OTUD5: variants seen among roughly 807,000 people sequenced by gnomAD.
OTUD5 encodes OTU deubiquitinase 5.
In OTUD5, 2 loss-of-function variants were observed where a neutral mutation model predicts 36.3. The observed-to-expected ratio is 0.06, with a 90% CI of 0.02 to 0.17. The LOEUF (loss-of-function observed/expected upper bound fraction) is 0.17, where lower values mean the gene tolerates loss of function less well. Ranked by LOEUF, OTUD5 falls within the 10% of genes least tolerant of loss-of-function variation. The pLI, the probability that OTUD5 is intolerant of heterozygous loss-of-function variation, is 1.00. For missense variants in OTUD5, 233 were observed against 512.3 expected, an observed-to-expected ratio of 0.45 and a Z score of 5.26; for synonymous variants, 234 against 214.9, an observed-to-expected ratio of 1.09 and a Z score of -0.78.
chrX:48,936,841 T>C (rs1266620956), intron 2 of OTUD5, among the ~76,000 whole-genome samples: 2 of 111,755 alleles, frequency 1.8e-5, no homozygotes, highest in Non-Finnish European at 3.8e-5. Flanking sequence ...TTCCCTTTGT[T>C]TCCCCAGAGG....
At chrX:48,932,887 T>C (rs1480496737) in intron 5 of OTUD5, among the ~76,000 whole-genome samples, 2 of 110,047 alleles carry the variant, frequency 1.8e-5, no homozygotes, top group African/African-American at 6.6e-5. Flanking sequence ...GAGGCTGAGG[T>C]GAGAGGCTTG....
At chrX:48,951,418 T>G (rs1348617134) in intron 1 of OTUD5, among the ~76,000 whole-genome samples, 5 of 110,869 alleles carry the variant, frequency 4.5e-5, no homozygotes, top group African/African-American at 1.6e-4. Flanking sequence ...ATCGAGATCA[T>G]CCTGGCTAAC....
chrX:48,925,278 CAAAA>C (rs781953573), intron 6 of OTUD5, among the ~76,000 whole-genome samples: 1 of 39,254 alleles, frequency 2.5e-5, no homozygotes. Context: ...ACTCTGTCTC[CAAAA>C]AAAAAAAAAA....
intron 1 of OTUD5, 108 bp from the exon 2 acceptor site, chrX:48,944,391 G>A (rs1557051900): frequency 2.0e-6 from 1 of 508,862 alleles, no homozygotes; most frequent in East Asian, 3.6e-5. Context: ...GAGGACGCTG[G>A]CCAAGGTAAA....
intron 1 of OTUD5, among the ~76,000 whole-genome samples, chrX:48,955,605 G>A (rs1480457828): frequency 9.0e-6 from 1 of 110,825 alleles, no homozygotes; most frequent in African/African-American, 3.3e-5. Context: ...GATCTGTAGG[G>A]AGGCCCCAGA....
At chrX:48,924,426 A>G (rs926230482) in intron 6 of OTUD5, among the ~76,000 whole-genome samples, 8 of 111,571 alleles carry the variant, frequency 7.2e-5, no homozygotes, top group African/African-American at 2.6e-4. Flanking sequence ...ACTCCACTGG[A>G]TGACTAGCAG....
chrX:48,935,032 AG>A lies in OTUD5; in HGVS notation c.689-15del. The stretch of plus-strand genomic sequence containing the variant: ...ACACCTGGTCAGCTGTGGGGGCAGA[AG>A]AAAGCAGCAGCTAGGGTCAGAGATG... On this transcript the variant is annotated splice_polypyrimidine_tract_variant and intron_variant, in intron 2 of 8. Coordinates refer to ENST00000376488, the MANE Select transcript of OTUD5 (RefSeq NM_001136157.2). 1 of 1,197,261 alleles carries A rather than the reference AG, an allele frequency of 8.4e-7. No individual in the cohort carries two copies. The highest frequency in any genetic ancestry group is 1.1e-6 in the Non-Finnish European group (1 of 883,730).
At chrX:48,939,845 T>C (rs2063890569) in intron 2 of OTUD5, 1 of 112,709 alleles carries the variant, frequency 8.9e-6, no homozygotes, top group Admixed American at 9.3e-5. Context: ...GTCCTACCAT[T>C]TGCTTTAGAG....
At chrX:48,951,606 C>T (rs782026589) in intron 1 of OTUD5, among the ~76,000 whole-genome samples, 3 of 109,454 alleles carry the variant, frequency 2.7e-5, no homozygotes, top group Non-Finnish European at 5.7e-5. Flanking sequence ...CAGAGTGAGA[C>T]TCCATCTCAA....
intron 1 of OTUD5, among the ~76,000 whole-genome samples, chrX:48,955,904 T>C (rs2064229431): frequency 8.9e-6 from 1 of 111,757 alleles, no homozygotes; most frequent in African/African-American, 3.3e-5. Flanking sequence ...GACTTCACCT[T>C]GTCTGAGACC....
At chrX:48,955,998 C>T (rs1220338069) in intron 1 of OTUD5, among the ~76,000 whole-genome samples, 2 of 110,829 alleles carry the variant, frequency 1.8e-5, no homozygotes. Context: ...GATCTTAGGC[C>T]CTAGGATCCA....
intron 1 of OTUD5, among the ~76,000 whole-genome samples, chrX:48,951,886 T>C (rs901835387): frequency 2.0e-4 from 22 of 110,742 alleles, no homozygotes; most frequent in Non-Finnish European, 3.6e-4. Context: ...TGAAACCCCA[T>C]CTCTACTAAA....
At chrX:48,929,863 G>A (rs951444680) in intron 5 of OTUD5, among the ~76,000 whole-genome samples, 2 of 111,664 alleles carry the variant, frequency 1.8e-5, no homozygotes, top group African/African-American at 6.5e-5. Flanking sequence ...CAGCACTTTG[G>A]GAGGCCGAGG....
chrX:48,947,594 T>A (rs2064053287), intron 1 of OTUD5, among the ~76,000 whole-genome samples: 1 of 107,729 alleles, frequency 9.3e-6, no homozygotes, highest in Non-Finnish European at 1.9e-5. Context: ...TCCCAGCTAC[T>A]CGGGAGGCTG....
chrX:48,952,439 C>T (rs868928579), intron 1 of OTUD5, among the ~76,000 whole-genome samples: 13 of 112,456 alleles, frequency 1.2e-4, no homozygotes, highest in African/African-American at 3.9e-4. Flanking sequence ...CTGAACTGTA[C>T]ACTTCAAAGA....
At chrX:48,941,747 G>A (rs1160329696) in intron 2 of OTUD5, among the ~76,000 whole-genome samples, 1 of 111,464 alleles carries the variant, frequency 9.0e-6, no homozygotes, top group African/African-American at 3.3e-5. Context: ...AGCCTGTAGG[G>A]CTTCACACTA....
intron 1 of OTUD5, among the ~76,000 whole-genome samples, chrX:48,948,273 C>T (rs2064067872): frequency 8.9e-6 from 1 of 112,162 alleles, no homozygotes. Context: ...CGCTTGAACT[C>T]GGGAGGTGGA....
chrX:48,931,727 C>T (rs2063754898), intron 5 of OTUD5, among the ~76,000 whole-genome samples: 1 of 105,175 alleles, frequency 9.5e-6, no homozygotes, highest in Non-Finnish European at 1.9e-5. Context: ...TGCAGTGAGC[C>T]GAGATCGCCT....
chrX:48,938,029 A>C (rs2063856454), intron 2 of OTUD5, among the ~76,000 whole-genome samples: 1 of 112,229 alleles, frequency 8.9e-6, no homozygotes. Context: ...TCAGCAGTTA[A>C]ATTAATATCG....
Sources: gnomAD v4.1 joint callset for allele counts (sites outside exome capture counted in the v4.1 genomes callset) on GRCh38, gnomAD v4.1.1 for gene constraint, MANE v1.5 for transcripts, NCBI Gene and HGNC (gene_info 2026-07-23, HGNC 2026-07-21) for gene names.